HEPH: variants seen among roughly 807,000 people sequenced by gnomAD.
HEPH encodes hephaestin.
In HEPH, 69 loss-of-function variants were observed where a neutral mutation model predicts 80.8. That is an observed-to-expected ratio of 0.85 (90% CI 0.70 to 1.04). The LOEUF (loss-of-function observed/expected upper bound fraction) is 1.04. HEPH is among the 50% of genes least tolerant of loss of function. The pLI, the probability that HEPH is intolerant of heterozygous loss-of-function variation, is 0.00. For missense variants in HEPH, 1,115 were observed against 891.3 expected, an observed-to-expected ratio of 1.25 and a Z score of -3.20; for synonymous variants, 431 against 322.8, an observed-to-expected ratio of 1.34 and a Z score of -3.60.
intron 13 of HEPH, 134 bp from the exon 14 acceptor site, chrX:66,207,061 A>G (rs939816144): frequency 2.5e-6 from 1 of 394,946 alleles, no homozygotes; most frequent in Non-Finnish European, 4.0e-6. Flanking sequence ...AGAAAAAAAA[A>G]GAAATAGGTC....
At chrX:66,180,034 AT>A (rs1166081548) in intron 4 of HEPH, among the ~76,000 whole-genome samples, 1 of 110,917 alleles carries the variant, frequency 9.0e-6, no homozygotes, top group African/African-American at 3.3e-5. Flanking sequence ...TCCATTCTGC[AT>A]TTTTGTATTT....
At chrX:66,169,055 T>G (rs2086482604) in intron 1 of HEPH, among the ~76,000 whole-genome samples, 1 of 111,413 alleles carries the variant, frequency 9.0e-6, no homozygotes, top group African/African-American at 3.3e-5. Context: ...ATGGTGATTA[T>G]GCTGGAGCCA....
At chrX:66,219,646 C>T (rs1029777027) in intron 15 of HEPH, among the ~76,000 whole-genome samples, 1 of 111,547 alleles carries the variant, frequency 9.0e-6, no homozygotes, top group African/African-American at 3.3e-5. Flanking sequence ...TTGTATGATT[C>T]TCTCAGGGGG....
chrX:66,172,968 T>G (rs1016718873), intron 3 of HEPH, among the ~76,000 whole-genome samples: 7 of 112,601 alleles, frequency 6.2e-5, no homozygotes, highest in Non-Finnish European at 9.4e-5. Context: ...GTCACAGTCT[T>G]CTGAAAGTTC....
At chrX:66,188,787 G>C (rs775406633) in intron 5 of HEPH, among the ~76,000 whole-genome samples, 3 of 112,474 alleles carry the variant, frequency 2.7e-5, no homozygotes, top group African/African-American at 9.7e-5. Context: ...TTGTGCTCTT[G>C]CCATTAGGCT....
chrX:66,263,996 A>C (rs966750014), intron 20 of HEPH, among the ~76,000 whole-genome samples: 4 of 110,758 alleles, frequency 3.6e-5, no homozygotes, highest in African/African-American at 1.3e-4. Context: ...TCTAGATACT[A>C]GTCGAAAACC....
intron 15 of HEPH, among the ~76,000 whole-genome samples, chrX:66,232,803 A>C (rs866812758): frequency 9.0e-6 from 1 of 111,237 alleles, no homozygotes; most frequent in Non-Finnish European, 1.9e-5. Context: ...ATATTCTATC[A>C]GTAAATCTGA....
chrX:66,230,812 T>A (rs1383701403), intron 15 of HEPH, among the ~76,000 whole-genome samples: 3 of 100,917 alleles, frequency 3.0e-5, no homozygotes, highest in Non-Finnish European at 6.0e-5. Flanking sequence ...TGTCTTTTGT[T>A]GCCATTGCTT....
Position 66,202,938 on chromosome X carries a change from T to C in HEPH, c.2078-426T>C, listed in dbSNP as rs200372203. 5.6e-3 allele frequency among the ~76,000 whole-genome samples: 540 copies of C among 96,774 alleles called. 1 individual carries two copies. Among genetic ancestry groups the C allele is most frequent in the Middle Eastern group, 0.015 (3 of 195 alleles). The allele number at this position is 96,774 out of a possible 115,157, so 84.0% of individuals were successfully genotyped here. ...ATATATATATATATATATATATATA[T>C]ACACACACACACACACACATAATAT... On this transcript the variant is annotated intron_variant, in intron 12 of 20. Transcript: ENST00000343002.
chrX:66,219,998 G>A (rs1481145941), intron 15 of HEPH, among the ~76,000 whole-genome samples: 3 of 111,538 alleles, frequency 2.7e-5, no homozygotes, highest in African/African-American at 6.5e-5. Context: ...TTTTGCCCGA[G>A]GCAGCTGAGT....
intron 15 of HEPH, among the ~76,000 whole-genome samples, chrX:66,233,074 T>C (rs2090219268): frequency 9.0e-6 from 1 of 111,555 alleles, no homozygotes; most frequent in South Asian, 3.7e-4. Context: ...CTTACTTAAG[T>C]AAAAATGCAG....
intron 7 of HEPH, 64 bp downstream of exon 7, chrX:66,192,362 C>A: frequency 9.6e-7 from 1 of 1,036,888 alleles, no homozygotes; most frequent in Non-Finnish European, 1.3e-6. Context: ...CATTTATTAT[C>A]TTTCTTCCAG....
chrX:66,254,458 T>G (rs1427780402), intron 15 of HEPH, among the ~76,000 whole-genome samples: 1 of 110,601 alleles, frequency 9.0e-6, no homozygotes, highest in African/African-American at 3.3e-5. Flanking sequence ...GGGAGGTGAG[T>G]TCATACAATC....
At chrX:66,252,708 C>G (rs2091045845) in intron 15 of HEPH, among the ~76,000 whole-genome samples, 1 of 112,106 alleles carries the variant, frequency 8.9e-6, no homozygotes, top group African/African-American at 3.2e-5. Flanking sequence ...TCTAAACTTA[C>G]TACAAAGCAT....
chrX:66,266,871 G>C lies in HEPH; in HGVS notation c.*199G>C, dbSNP rs1389316816. 1 of 406,752 alleles carries C rather than the reference G, an allele frequency of 2.5e-6. No individual in the cohort carries two copies. Among genetic ancestry groups the C allele is most frequent in the Non-Finnish European group, 4.2e-6 (1 of 236,201 alleles). 33.5% of individuals were successfully genotyped at this position (406,752 alleles called of 1,213,427 possible). On this transcript the variant is annotated 3_prime_UTR_variant, in exon 21 of 21. Coordinates refer to ENST00000343002, the MANE Select transcript of HEPH (RefSeq NM_001367233.3). ...ATTTCACTTTTTCTTTAGTTTCTTT[G>C]CTCTACGTGGGCACCTGGCACTAAG... is the stretch of plus-strand genomic sequence containing the variant.
chrX:66,181,859 C>G (rs1184796421), intron 4 of HEPH, among the ~76,000 whole-genome samples: 1 of 101,415 alleles, frequency 9.9e-6, no homozygotes, highest in Non-Finnish European at 2.0e-5. Context: ...TTTAATCCAT[C>G]TTGAATTGAT....
At chrX:66,176,825 T>G (rs747116625) in intron 4 of HEPH, among the ~76,000 whole-genome samples, 92 of 111,827 alleles carry the variant, frequency 8.2e-4, no homozygotes, top group Non-Finnish European at 1.5e-3. Context: ...ACAAAGGACA[T>G]GAACTCATCA....
chrX:66,177,265 T>C (rs1009914398), intron 4 of HEPH, among the ~76,000 whole-genome samples: 1 of 112,139 alleles, frequency 8.9e-6, no homozygotes, highest in African/African-American at 3.2e-5. Context: ...GTTTCCTCTT[T>C]CTCTCTCTTG....
intron 15 of HEPH, among the ~76,000 whole-genome samples, chrX:66,254,305 A>T (rs1286502339): frequency 9.0e-6 from 1 of 110,909 alleles, no homozygotes; most frequent in Non-Finnish European, 1.9e-5. Context: ...AATCAATAAG[A>T]CCTGCCATTT....
Sources: allele counts gnomAD v4.1 joint callset (sites outside exome capture counted in the v4.1 genomes callset), GRCh38; gene constraint gnomAD v4.1.1; transcripts MANE v1.5; gene names NCBI Gene and HGNC (gene_info 2026-07-23, HGNC 2026-07-21).